WWOX: variants seen among roughly 807,000 people sequenced by gnomAD.
The protein encoded by WWOX is WW domain-containing oxidoreductase.
In WWOX, 69 loss-of-function variants were observed where a neutral mutation model predicts 46.2. The ratio of observed to expected loss-of-function variants is 1.49; its 90% CI spans 1.23 to 1.82. The LOEUF (loss-of-function observed/expected upper bound fraction) is 1.82. Ranked by LOEUF, WWOX falls within the 40% of genes most tolerant of loss-of-function variation. WWOX has a pLI of 0.00. For missense variants in WWOX, 919 were observed against 542.6 expected (o/e 1.69, Z -6.89); for synonymous variants, 359 against 202.6 (o/e 1.77, Z -6.56).
chr16:78,758,766 G>C, intron 8 of WWOX, among the ~76,000 whole-genome samples: 1 of 152,016 alleles, frequency 6.6e-6, no homozygotes, highest in Non-Finnish European at 1.5e-5. Flanking sequence ...GTGGTGAGAA[G>C]GTTAAGGGCA....
At position 78,660,042 on chromosome 16, in the gene WWOX, A is replaced by G. The variant is rs74372379; in HGVS notation, c.1056+227290A>G. On this transcript the variant is annotated intron_variant, in intron 8 of 8. Transcript: ENST00000566780. ...TATTATTTTACCTCAAAGCAAACAC[A>G]TCATTCACCATAGTGACACCAGAGT... Among the ~76,000 whole-genome samples, 590 of 152,312 alleles carry G rather than the reference A, an allele frequency of 3.9e-3. 5 individuals are homozygous for G. Among genetic ancestry groups the G allele is most frequent in the Non-Finnish European group, 6.7e-3 (458 of 68,024 alleles).
intron 8 of WWOX, among the ~76,000 whole-genome samples, chr16:79,108,753 T>C (rs1005430388): frequency 6.6e-6 from 1 of 151,834 alleles, no homozygotes; most frequent in East Asian, 1.9e-4. Context: ...AATAAAAAAT[T>C]AGTTAGGTGT....
intron 8 of WWOX, among the ~76,000 whole-genome samples, chr16:79,164,079 C>A (rs2050543356): frequency 6.6e-6 from 1 of 152,122 alleles, no homozygotes; most frequent in African/African-American, 2.4e-5. Context: ...ATTCAGTTTG[C>A]CATATAAAAG....
chr16:78,172,866 C>T (rs934662279), intron 5 of WWOX, among the ~76,000 whole-genome samples: 4 of 152,148 alleles, frequency 2.6e-5, no homozygotes, highest in Admixed American at 2.0e-4. Flanking sequence ...AGTGTTCAGC[C>T]GCCAATGGCT....
At position 78,359,367 on chromosome 16, in the gene WWOX, A is replaced by G. The variant is rs988989429; in HGVS notation, c.517-27493A>G. Among the ~76,000 whole-genome samples, 7 of 152,236 alleles carry G rather than the reference A, an allele frequency of 4.6e-5. 1 individual carries two copies. Among genetic ancestry groups the G allele is most frequent in the Admixed American group, 2.6e-4 (4 of 15,284 alleles). ...CAGGCTAATTAGTAATGTAGCATAT[A>G]CAAATTAAGTTTTTTTCTGCTGTGC... On this transcript the variant is annotated intron_variant, in intron 5 of 8. Transcript: ENST00000566780.
chr16:78,740,123 G>C (rs548844578), intron 8 of WWOX, among the ~76,000 whole-genome samples: 2 of 152,178 alleles, frequency 1.3e-5, no homozygotes, highest in African/African-American at 2.4e-5. Flanking sequence ...ATGCCATGTA[G>C]CACTGCTGAG....
intron 8 of WWOX, among the ~76,000 whole-genome samples, chr16:78,960,502 A>G (rs1241823935): frequency 6.6e-6 from 1 of 152,182 alleles, no homozygotes; most frequent in Non-Finnish European, 1.5e-5. Flanking sequence ...GGAGATTACA[A>G]CTGCCTCATT....
chr16:78,402,604 A>AC (rs2082439556), intron 6 of WWOX, among the ~76,000 whole-genome samples: 1 of 152,160 alleles, frequency 6.6e-6, no homozygotes, highest in Non-Finnish European at 1.5e-5. Context: ...GTTCCCTGGG[A>AC]CGTGCCTGGT....
At chr16:78,607,447 A>G (rs1048790182) in intron 8 of WWOX, among the ~76,000 whole-genome samples, 4 of 152,156 alleles carry the variant, frequency 2.6e-5, no homozygotes, top group South Asian at 2.1e-4. Flanking sequence ...ATTAAGCACA[A>G]ATTGTTTCAA....
At chr16:78,980,688 T>C (rs918960046) in intron 8 of WWOX, among the ~76,000 whole-genome samples, 10 of 152,170 alleles carry the variant, frequency 6.6e-5, no homozygotes, top group Non-Finnish European at 1.0e-4. Context: ...CAATCAGAAC[T>C]TTGACCTTGA....
chr16:78,599,646 C>T (rs2045574467), intron 8 of WWOX, among the ~76,000 whole-genome samples: 1 of 152,178 alleles, frequency 6.6e-6, no homozygotes, highest in African/African-American at 2.4e-5. Context: ...ACATTTGCTC[C>T]CGAGTCTCAG....
chr16:79,028,348 C>T lies in WWOX; in HGVS notation c.1057-183260C>T, dbSNP rs1270771528. Among the ~76,000 whole-genome samples the T allele has an allele frequency of 3.3e-5, 5 of 151,932 alleles. No homozygotes were observed. In the East Asian group the frequency reaches 5.8e-4, roughly 18 times the overall value. ...GTGACACTATGAGTGTATCGTTAGG[C>T]ATGTTCAAAATATAGCTAAATTCAG... On this transcript the variant is annotated intron_variant, in intron 8 of 8. Coordinates refer to ENST00000566780, the MANE Select transcript of WWOX (RefSeq NM_016373.4).
intron 8 of WWOX, chr16:78,525,671 C>T (rs1197220261): frequency 6.6e-6 from 1 of 152,076 alleles, no homozygotes; most frequent in East Asian, 1.9e-4. Flanking sequence ...CCTCTCCCAC[C>T]CAAGGACAAT....
At chr16:78,950,383 T>C (rs1003069365) in intron 8 of WWOX, among the ~76,000 whole-genome samples, 3 of 152,156 alleles carry the variant, frequency 2.0e-5, no homozygotes, top group African/African-American at 7.2e-5. Context: ...CATGGTGGCA[T>C]GCCATTGTTC....
rs533305832 is a variant in WWOX at position 78,528,243 on chromosome 16, T to G, written c.1056+95491T>G. ...GTTAGCCAGGATGGTCTCGGTCTGC[T>G]GATCTCGTAATCCGCCCACCTCGGC... On this transcript the variant is annotated intron_variant, in intron 8 of 8. Coordinates refer to ENST00000566780, the MANE Select transcript of WWOX (RefSeq NM_016373.4). Among the ~76,000 whole-genome samples the G allele has an allele frequency of 2.1e-5, 3 of 145,668 alleles. No homozygotes were observed. The South Asian group carries it at 6.9e-4, about 33-fold the overall frequency.
chr16:78,109,789 G>A lies in WWOX; in HGVS notation c.184G>A (p.Gly62Arg), dbSNP rs775696083. The change falls in exon 3 of 9, where the codon GGA becomes AGA. Residue 62 changes from glycine to arginine, a missense_variant. Physicochemically the swap from Gly to Arg is moderately radical, Grantham distance 125. Coordinates refer to ENST00000566780, the MANE Select transcript of WWOX (RefSeq NM_016373.4). Reference sequence around the variant, plus strand: ...TTCTTGTGTTTCAGATTTGCCATACGGATGGGAACAAGAAACTGATGAGAA... The same window carrying A: ...TTCTTGTGTTTCAGATTTGCCATACAGATGGGAACAAGAAACTGATGAGAA... The part of the protein sequence containing the change: ...RKRVAGDLPY[G>R]WEQETDENGQ... 39 of 1,614,004 alleles carry A rather than the reference G, an allele frequency of 2.4e-5. No individual in the cohort carries two copies. The highest frequency in any genetic ancestry group is 2.8e-5 in the Non-Finnish European group (33 of 1,180,044).
chr16:78,668,471 C>G (rs888779577), intron 8 of WWOX, among the ~76,000 whole-genome samples: 12 of 152,140 alleles, frequency 7.9e-5, no homozygotes, highest in Admixed American at 1.3e-4. Flanking sequence ...ACTCATCATT[C>G]ATTATATTCT....
Position 78,238,975 on chromosome 16 carries a change from C to T in WWOX, c.516+74686C>T, listed in dbSNP as rs183990595. The stretch of plus-strand genomic sequence containing the variant: ...TCGGCCCCCAAGGGTTTGATGTGCT[C>T]TTGTCCCCAAGGCCTGCAGATTTGC... On this transcript the variant is annotated intron_variant, in intron 5 of 8. Coordinates refer to ENST00000566780, the MANE Select transcript of WWOX (RefSeq NM_016373.4). Among the ~76,000 whole-genome samples the T allele has an allele frequency of 5.6e-3, 851 of 151,862 alleles. 9 individuals carry two copies. The highest frequency in any genetic ancestry group is 0.01 in the Middle Eastern group (3 of 294).
intron 5 of WWOX, among the ~76,000 whole-genome samples, chr16:78,308,211 G>T (rs2080169714): frequency 6.6e-6 from 1 of 152,186 alleles, no homozygotes; most frequent in Non-Finnish European, 1.5e-5. Flanking sequence ...AGAGCTGCAA[G>T]AGAGTCTGCA....
Sources: allele counts gnomAD v4.1 joint callset (sites outside exome capture counted in the v4.1 genomes callset), GRCh38; gene constraint gnomAD v4.1.1; transcripts MANE v1.5; gene names NCBI Gene and HGNC (gene_info 2026-07-23, HGNC 2026-07-21).